The following SLC5A8 variants were observed in gnomAD, a reference collection of about 807,000 sequenced individuals.
SLC5A8 encodes sodium-coupled monocarboxylate transporter 1.
A neutral mutation model predicts 71.9 loss-of-function variants in SLC5A8; 55 were observed. The observed-to-expected ratio is 0.77, with a 90% CI of 0.62 to 0.96. The LOEUF (loss-of-function observed/expected upper bound fraction) is 0.96. Among genes scored for constraint, SLC5A8 ranks in the 40% least tolerant of loss-of-function variants. The pLI is 0.00. For missense variants in SLC5A8, 701 were observed against 745.3 expected (o/e 0.94, Z 0.69); for synonymous variants, 307 against 276.1 (o/e 1.11, Z -1.11).
chr12:101,204,528 C>G lies in SLC5A8; in HGVS notation c.389G>C (p.Cys130Ser), dbSNP rs1486965175. ...ELRFNKCVRL[C>S]GTVLFIVQTI... ...TTGAACAATGAAGAGGACTGTTCCA[C>G]AGAGACGAACACATTTGTTAAATCG... The change falls in exon 2 of 15, where the codon TGT becomes TCT. Residue 130 changes from cysteine (C) to serine (S), a missense_variant. Physicochemically the swap from Cys to Ser is moderately radical, Grantham distance 112 (BLOSUM62 -1). Coordinates refer to ENST00000536262, the MANE Select transcript of SLC5A8 (RefSeq NM_145913.5). The G allele has an allele frequency of 1.9e-6, 3 of 1,598,822 alleles. No homozygotes were observed. The highest frequency in any genetic ancestry group is 2.6e-6 in the Non-Finnish European group (3 of 1,175,352).
In SLC5A8 at chr12:101,168,116, C is replaced by T. The variant is rs1455646741; in HGVS notation, c.1300G>A (p.Val434Ile). 1 of 1,609,280 alleles carries T rather than the reference C, an allele frequency of 6.2e-7. No homozygotes were observed. Among genetic ancestry groups the T allele is most frequent in the South Asian group, 1.1e-5 (1 of 89,852 alleles). Reference protein sequence around the residue: ...LMGLFALGILVPFANSIGALV... With the variant: ...LMGLFALGILIPFANSIGALV... ...CTTACAATTGAGTTGGCAAAGGGAA[C>T]CAAAATGCCCAAAGCGAACAGGCCC... Residue 434 changes from valine to isoleucine, a missense_variant, in exon 11 of 15, where the codon GTT becomes ATT. Val to Ile is a conservative substitution (Grantham distance 29, BLOSUM62 3). Transcript: ENST00000536262.
chr12:101,160,645 T>C (rs1262545015), intron 13 of SLC5A8, among the ~76,000 whole-genome samples: 2 of 152,184 alleles, frequency 1.3e-5, no homozygotes, highest in Non-Finnish European at 2.9e-5. Context: ...GCCCCAGCAC[T>C]GTGATCTCTC....
Position 101,195,124 on chromosome 12 carries a change from C to A in SLC5A8, c.508G>T (p.Gly170Trp). Reference protein sequence around the residue: ...FDLWGAVVATGVVCTFYCTLG... With the variant: ...FDLWGAVVATWVVCTFYCTLG... ...GTGCAGTAGAATGTGCAGACCACCCCCGTTGCCACTACCGCGCCCCACAGA... is the reference window on the plus strand; with the variant it reads ...GTGCAGTAGAATGTGCAGACCACCCACGTTGCCACTACCGCGCCCCACAGA... The change falls in exon 4 of 15, where the codon GGG (glycine) becomes TGG (tryptophan). Residue 170 changes from glycine (G) to tryptophan (W), a missense_variant. Coordinates refer to ENST00000536262, the MANE Select transcript of SLC5A8 (RefSeq NM_145913.5). 2 of 1,614,070 alleles carry A rather than the reference C, an allele frequency of 1.2e-6. No individual in the cohort carries two copies. Among genetic ancestry groups the A allele is most frequent in the Non-Finnish European group, 1.7e-6 (2 of 1,180,002 alleles).
At chr12:101,170,507 T>A (rs2051818766) in intron 10 of SLC5A8, among the ~76,000 whole-genome samples, 1 of 151,964 alleles carries the variant, frequency 6.6e-6, no homozygotes, top group Non-Finnish European at 1.5e-5. Flanking sequence ...TATCCCAGCC[T>A]GAGAACTGAA....
intron 13 of SLC5A8, among the ~76,000 whole-genome samples, chr12:101,158,598 C>CTCTCTCTCTCTATATA (rs1411795424): frequency 2.8e-4 from 6 of 21,238 alleles, no homozygotes; most frequent in Non-Finnish European, 4.4e-4. Context: ...CTCTCTCTCT[C>CTCTCTCTCTCTATATA]TATATATATA....
chr12:101,187,437 C>T lies in SLC5A8; in HGVS notation c.912G>A (p.Arg304=), dbSNP rs754563240. 1.9e-5 allele frequency: 30 copies of T among 1,613,732 alleles called. No individual in the cohort carries two copies. The highest frequency in any genetic ancestry group is 2.3e-5 in the Non-Finnish European group (27 of 1,179,926). Residue 304 remains arginine (R), a synonymous_variant, in exon 7 of 15, where the codon AGG becomes AGA. Transcript: ENST00000536262. ...SVFCGLALYS[R]YHDCDPWTAK... is the part of the protein sequence containing the mutation. ...CTGTCCAAGGATCACAGTCATGGTA[C>T]CTGGAATATAGGGCGAGCCCACAAA...
chr12:101,158,576 CTCTCTCTCTCTCTCTCTCTCTCTATA>C (rs1461422866), intron 13 of SLC5A8, among the ~76,000 whole-genome samples: 27 of 53,248 alleles, frequency 5.1e-4, no homozygotes, highest in Non-Finnish European at 7.2e-4. Context: ...CTCTCTCTCT[CTCTCTCTCTCTCTCTCTCTCTCTATA>C]TATATATATA....
At chr12:101,164,368 CT>C (rs2051750237) in intron 12 of SLC5A8, among the ~76,000 whole-genome samples, 1 of 152,142 alleles carries the variant, frequency 6.6e-6, no homozygotes, top group South Asian at 2.1e-4. Context: ...CTTCATTAAT[CT>C]TAAGGGAAAT....
chr12:101,204,604 C>T lies in SLC5A8; in HGVS notation c.352-39G>A, dbSNP rs186345022. 4.5e-5 allele frequency: 65 copies of T among 1,443,418 alleles called. No individual in the cohort carries two copies. In the African/African-American group the frequency reaches 8.6e-4, roughly 19 times the overall value. The allele number at this position is 1,443,418 out of a possible 1,614,324, so 89.4% of individuals were successfully genotyped here. On this transcript the variant is annotated intron_variant, in intron 1 of 14. Transcript: ENST00000536262. ...AAAAATTATGCGAATCCTCTGGATG[C>T]CTTTTTTAAAATCAGCAGCTCAAGA...
intron 11 of SLC5A8, 67 bp from the exon 12 acceptor site, chr12:101,166,766 G>A: frequency 1.4e-6 from 2 of 1,416,826 alleles, no homozygotes; most frequent in South Asian, 2.9e-5. Context: ...ATTAATATTA[G>A]AAAGCCAAGT....
intron 1 of SLC5A8, among the ~76,000 whole-genome samples, chr12:101,208,026 A>G (rs1044496841): frequency 3.3e-5 from 5 of 152,206 alleles, no homozygotes; most frequent in East Asian, 1.9e-4. Flanking sequence ...GCCCAGTGTT[A>G]CCAGCCTTTT....
intron 5 of SLC5A8, among the ~76,000 whole-genome samples, 173 bp from the exon 6 acceptor site, chr12:101,190,781 A>G (rs1868872554): frequency 6.6e-6 from 1 of 152,212 alleles, no homozygotes; most frequent in Non-Finnish European, 1.5e-5. Context: ...CTTAAGTTCA[A>G]TGAAATAAAA....
chr12:101,172,923 CCT>C (rs2051843826), intron 10 of SLC5A8, among the ~76,000 whole-genome samples: 1 of 152,096 alleles, frequency 6.6e-6, no homozygotes, highest in Non-Finnish European at 1.5e-5. Context: ...CAGTTGTGCC[CCT>C]GTCCCATGGG....
intron 14 of SLC5A8, among the ~76,000 whole-genome samples, chr12:101,157,958 T>G (rs1461062376): frequency 6.7e-6 from 1 of 148,254 alleles, no homozygotes; most frequent in Non-Finnish European, 1.5e-5. Context: ...GATAGAGAGA[T>G]ATACAGCAGA....
At chr12:101,163,914 T>C (rs772337650) in intron 12 of SLC5A8, among the ~76,000 whole-genome samples, 1 of 152,170 alleles carries the variant, frequency 6.6e-6, no homozygotes, top group Non-Finnish European at 1.5e-5. Context: ...TAACTGAGTA[T>C]CCACATGGGG....
chr12:101,158,598 C>CTCTCTCTCTATATATA (rs1411795424), intron 13 of SLC5A8, among the ~76,000 whole-genome samples: 3 of 21,228 alleles, frequency 1.4e-4, no homozygotes, highest in Non-Finnish European at 2.6e-4. Flanking sequence ...CTCTCTCTCT[C>CTCTCTCTCTATATATA]TATATATATA....
chr12:101,187,587 T>A, intron 6 of SLC5A8, 72 bp from the exon 7 acceptor site: 1 of 1,486,024 alleles, frequency 6.7e-7, no homozygotes, highest in Non-Finnish European at 9.0e-7. Context: ...ACCTGTTACA[T>A]GATCAAAAGA....
chr12:101,178,053 G>A (rs2051897592), intron 10 of SLC5A8, among the ~76,000 whole-genome samples: 1 of 152,100 alleles, frequency 6.6e-6, no homozygotes, highest in African/African-American at 2.4e-5. Flanking sequence ...AGTGAGCTCA[G>A]CAAGGTCACA....
At chr12:101,166,441 T>C (rs956449612) in intron 12 of SLC5A8, 53 bp downstream of exon 12, 5 of 1,492,362 alleles carry the variant, frequency 3.4e-6, no homozygotes, top group Non-Finnish European at 9.1e-7. Context: ...TGGGGTTCTC[T>C]ACTTGTTGCG....
Sources: allele counts gnomAD v4.1 joint callset (sites outside exome capture counted in the v4.1 genomes callset), GRCh38; gene constraint gnomAD v4.1.1; transcripts MANE v1.5; gene names NCBI Gene and HGNC (gene_info 2026-07-23, HGNC 2026-07-21).